ATRNL1: variants seen among roughly 807,000 people sequenced by gnomAD.
The protein encoded by ATRNL1 is attractin-like protein 1.
ATRNL1 carries 95 observed loss-of-function variants against 182.7 expected under a neutral mutation model. The ratio of observed to expected loss-of-function variants is 0.52; its 90% confidence interval spans 0.44 to 0.62. The LOEUF is 0.62. ATRNL1 is among the 20% of genes least tolerant of loss of function. ATRNL1 has a pLI of 0.00. For missense variants in ATRNL1, 1,471 were observed against 1,679.5 expected (o/e 0.88, Z 2.17); for synonymous variants, 576 against 568.3 (o/e 1.01, Z -0.19).
chr10:115,728,165 G>T (rs1188440717), intron 27 of ATRNL1, among the ~76,000 whole-genome samples: 2 of 146,824 alleles, frequency 1.4e-5, no homozygotes, highest in Non-Finnish European at 3.0e-5. Flanking sequence ...CGTGGTGGCA[G>T]GCACCTGTGG....
intron 19 of ATRNL1, among the ~76,000 whole-genome samples, chr10:115,350,173 T>G (rs188147637): frequency 5.1e-4 from 77 of 151,600 alleles, no homozygotes; most frequent in African/African-American, 1.8e-3. Flanking sequence ...CCATCTCTAC[T>G]AAAAATACAA....
intron 16 of ATRNL1, among the ~76,000 whole-genome samples, chr10:115,301,434 A>G (rs1853462159): frequency 6.6e-6 from 1 of 152,154 alleles, no homozygotes; most frequent in African/African-American, 2.4e-5. Flanking sequence ...ATATTTTATG[A>G]TAAGCTGTAT....
At chr10:115,500,110 T>C (rs1554979668) in intron 24 of ATRNL1, among the ~76,000 whole-genome samples, 1 of 152,100 alleles carries the variant, frequency 6.6e-6, no homozygotes, top group African/African-American at 2.4e-5. Context: ...GGAACAATCC[T>C]GGATAATTGA....
At chr10:115,667,614 G>A (rs1225301929) in intron 26 of ATRNL1, among the ~76,000 whole-genome samples, 2 of 151,632 alleles carry the variant, frequency 1.3e-5, no homozygotes, top group Admixed American at 6.6e-5. Context: ...GCCTGGAACT[G>A]GTCCAGCATT....
At chr10:115,533,845 C>T (rs879974645) in intron 25 of ATRNL1, among the ~76,000 whole-genome samples, 3 of 150,970 alleles carry the variant, frequency 2.0e-5, no homozygotes, top group Non-Finnish European at 4.4e-5. Context: ...TTATTTCTGC[C>T]TTCATTTCGT....
At chr10:115,346,104 G>A (rs1855962426) in intron 19 of ATRNL1, among the ~76,000 whole-genome samples, 1 of 152,132 alleles carries the variant, frequency 6.6e-6, no homozygotes, top group East Asian at 1.9e-4. Flanking sequence ...GGAAAAATAT[G>A]CATAATATAA....
intron 27 of ATRNL1, among the ~76,000 whole-genome samples, chr10:115,790,666 TA>T (rs1949510175): frequency 1.3e-5 from 2 of 152,008 alleles, no homozygotes; most frequent in African/African-American, 4.8e-5. Context: ...AAACTGAATA[TA>T]TTGGTGTCAG....
chr10:115,350,346 G>GAAAAAAA (rs71010016), intron 19 of ATRNL1, among the ~76,000 whole-genome samples: 4 of 66,376 alleles, frequency 6.0e-5, no homozygotes, highest in Non-Finnish European at 7.9e-5. Context: ...AAAAAAAAAA[G>GAAAAAAA]AAAAAAAAAA....
chr10:115,342,293 G>A (rs1855787416), intron 19 of ATRNL1, among the ~76,000 whole-genome samples: 2 of 151,192 alleles, frequency 1.3e-5, no homozygotes, highest in African/African-American at 2.4e-5. Flanking sequence ...TTTAGTGAAG[G>A]CCTTTTTTTT....
intron 26 of ATRNL1, among the ~76,000 whole-genome samples, chr10:115,672,807 G>GA (rs1945741005): frequency 6.6e-6 from 1 of 151,892 alleles, no homozygotes; most frequent in African/African-American, 2.4e-5. Flanking sequence ...GGGGAAAGAA[G>GA]AAAAAAGGCA....
At chr10:115,193,041 A>T (rs186781133) in intron 8 of ATRNL1, among the ~76,000 whole-genome samples, 1 of 152,036 alleles carries the variant, frequency 6.6e-6, no homozygotes, top group South Asian at 2.1e-4. Flanking sequence ...CTTTCTTTCT[A>T]TTTAGGATGT....
intron 25 of ATRNL1, among the ~76,000 whole-genome samples, chr10:115,530,048 G>C (rs184408434): frequency 6.6e-6 from 1 of 152,050 alleles, no homozygotes; most frequent in South Asian, 2.1e-4. Context: ...AACGTAGTAT[G>C]GATCAGTACT....
At chr10:115,199,499 G>A (rs1358857435) in intron 8 of ATRNL1, among the ~76,000 whole-genome samples, 3 of 152,008 alleles carry the variant, frequency 2.0e-5, no homozygotes, top group Non-Finnish European at 2.9e-5. Flanking sequence ...GGGCAGTGGG[G>A]GTTGCAGTGA....
At chr10:115,649,068 AG>A (rs1859817543) in intron 26 of ATRNL1, among the ~76,000 whole-genome samples, 1 of 152,210 alleles carries the variant, frequency 6.6e-6, no homozygotes, top group African/African-American at 2.4e-5. Context: ...TAATCTTCAA[AG>A]GTCCTTACAA....
chr10:115,331,883 G>A (rs1855241942), intron 18 of ATRNL1, among the ~76,000 whole-genome samples: 1 of 152,116 alleles, frequency 6.6e-6, no homozygotes, highest in Admixed American at 6.6e-5. Flanking sequence ...AGAGATCAGG[G>A]TCAGACCCTC....
At chr10:115,534,796 G>T (rs1282501475) in intron 25 of ATRNL1, among the ~76,000 whole-genome samples, 3 of 150,668 alleles carry the variant, frequency 2.0e-5, no homozygotes, top group African/African-American at 7.3e-5. Flanking sequence ...TTTTAGGGCA[G>T]GCCTGGTGGT....
intron 27 of ATRNL1, among the ~76,000 whole-genome samples, chr10:115,771,754 A>G (rs1948998805): frequency 6.6e-6 from 1 of 152,206 alleles, no homozygotes; most frequent in Admixed American, 6.5e-5. Context: ...TAGATGTAGT[A>G]AATCAGTTTA....
chr10:115,720,995 G>T (rs532798629), intron 26 of ATRNL1, among the ~76,000 whole-genome samples: 2 of 152,324 alleles, frequency 1.3e-5, no homozygotes, highest in South Asian at 4.1e-4. Flanking sequence ...ACAGCAGTAA[G>T]TTAATGATTG....
Position 115,093,629 on chromosome 10 carries a change from G to C in ATRNL1, c.-122G>C, listed in dbSNP as rs1554862150. On this transcript the variant is annotated 5_prime_UTR_variant, in exon 1 of 29. Transcript: ENST00000355044. This position sits in a 1 kb window ranked among gnomAD's most constrained non-coding sequence, Gnocchi z 6.1. ...CCTGACCGGGGAGCGGGACTCGGAC[G>C]GGCGCCGGTGAGGAGGAGGAGAAGC... 1 of 1,142,756 alleles carries C rather than the reference G, an allele frequency of 8.8e-7. No individual in the cohort carries two copies. Among genetic ancestry groups the C allele is most frequent in the Non-Finnish European group, 1.2e-6 (1 of 801,004 alleles). The allele number at this position is 1,142,756 out of a possible 1,614,324, so 70.8% of individuals were successfully genotyped here.
Sources: gnomAD v4.1 joint callset for allele counts (sites outside exome capture counted in the v4.1 genomes callset) on GRCh38, gnomAD v4.1.1 for gene constraint, Gnocchi (gnomAD v3.1) non-coding constraint, MANE v1.5 for transcripts, NCBI Gene and HGNC (gene_info 2026-07-23, HGNC 2026-07-21) for gene names.